ENOX2: variants seen among roughly 807,000 people sequenced by gnomAD.
ENOX2 encodes ecto-NOX disulfide-thiol exchanger 2, also known as APK1 antigen.
A neutral mutation model predicts 45.0 loss-of-function variants in ENOX2; 36 were observed. That is an observed-to-expected ratio of 0.80 (90% confidence interval 0.61 to 1.06). The LOEUF is 1.06. ENOX2 is among the 50% of genes least tolerant of loss of function. The pLI is 0.00. For synonymous variants in ENOX2, 174 were observed against 152.3 expected (o/e 1.14, Z -1.05); for missense variants, 423 against 462.5 (o/e 0.91, Z 0.78).
chrX:130,813,516 A>C (rs1354711537), intron 2 of ENOX2, among the ~76,000 whole-genome samples: 1 of 112,062 alleles, frequency 8.9e-6, no homozygotes, highest in African/African-American at 3.2e-5. Flanking sequence ...TCAATGCAGA[A>C]GGTGGGTGAT....
intron 11 of ENOX2, among the ~76,000 whole-genome samples, chrX:130,636,334 C>T (rs769660251): frequency 1.8e-5 from 2 of 112,500 alleles, no homozygotes; most frequent in Non-Finnish European, 3.8e-5. Flanking sequence ...ACATAGGGTT[C>T]CTAGTGCCAG....
rs1342545822 is a variant in ENOX2, at chrX:130,726,555, G to A, written c.-38-23301C>T. Among the ~76,000 whole-genome samples, 4 of 112,706 alleles carry A rather than the reference G, an allele frequency of 3.5e-5. No homozygotes were observed. In the East Asian group the frequency reaches 1.1e-3, roughly 31 times the overall value. On this transcript the variant is annotated intron_variant, in intron 3 of 14. Transcript: ENST00000394363. ...AACATATATACGAGTACAAATGGCTGCTTGTGAAGTACCTGAAGTTTTTCC... is the reference window on the plus strand; with the variant it reads ...AACATATATACGAGTACAAATGGCTACTTGTGAAGTACCTGAAGTTTTTCC...
In ENOX2 at chrX:130,703,728, A is replaced by G. The variant is rs769085552; in HGVS notation, c.-38-474T>C. Reference sequence around the variant, plus strand: ...AAAATTATACTCCTGATGTAATTTCATATCTTTGAAGCAGTACTATTGAAT... The same window carrying G: ...AAAATTATACTCCTGATGTAATTTCGTATCTTTGAAGCAGTACTATTGAAT... On this transcript the variant is annotated intron_variant, in intron 3 of 14. Coordinates refer to ENST00000394363, the MANE Select transcript of ENOX2 (RefSeq NM_006375.4). Among the ~76,000 whole-genome samples the G allele has an allele frequency of 3.6e-5, 4 of 112,013 alleles. No homozygotes were observed. The South Asian group carries it at 1.1e-3, about 31-fold the overall frequency.
At chrX:130,763,207 AG>A (rs2039535123) in intron 3 of ENOX2, among the ~76,000 whole-genome samples, 1 of 110,361 alleles carries the variant, frequency 9.1e-6, no homozygotes, top group African/African-American at 3.3e-5. Flanking sequence ...TGATGTTTCG[AG>A]GTTTCAGGCA....
chrX:130,771,572 C>A (rs1251758381), intron 3 of ENOX2, among the ~76,000 whole-genome samples: 1 of 112,165 alleles, frequency 8.9e-6, no homozygotes, highest in Non-Finnish European at 1.9e-5. Context: ...ATCTCCTCTT[C>A]TCCATCCCTA....
At chrX:130,816,647 C>T (rs1445355027) in intron 2 of ENOX2, among the ~76,000 whole-genome samples, 2 of 111,911 alleles carry the variant, frequency 1.8e-5, no homozygotes, top group Admixed American at 1.9e-4. Context: ...AACTGAACAA[C>T]CTGCTCCTGA....
Position 130,781,704 on chromosome X carries a change from T to C in ENOX2, c.-39+1843A>G, listed in dbSNP as rs772952427. Among the ~76,000 whole-genome samples the C allele has an allele frequency of 1.2e-4, 13 of 112,036 alleles. No individual in the cohort carries two copies. The South Asian group carries it at 4.9e-3, about 42-fold the overall frequency. ...CCCTAAATTCTGTGCACTCTATCCG[T>C]GGCAGGTTCCACTTAGAGCTGATTT... is the stretch of plus-strand genomic sequence containing the variant. On this transcript the variant is annotated intron_variant, in intron 3 of 14. Transcript: ENST00000394363.
Position 130,665,739 on chromosome X carries a change from T to A in ENOX2, c.918A>T (p.Ile306=), listed in dbSNP as rs1569482949. Reference sequence around the variant, plus strand: ...TGGAGGCGGAATGGTACACAGCCACTATCTGCTCAACTGCAGCATCAAATC... The same window carrying A: ...TGGAGGCGGAATGGTACACAGCCACAATCTGCTCAACTGCAGCATCAAATC... The part of the protein sequence containing the change: ...LSGILIQFEQ[I]VAVYHSASKQ... Residue 306 remains isoleucine (I), a synonymous_variant, in exon 9 of 15, where the codon ATA becomes ATT. Coordinates refer to ENST00000394363, the MANE Select transcript of ENOX2 (RefSeq NM_006375.4). The A allele has an allele frequency of 2.5e-6, 3 of 1,185,783 alleles. No homozygotes were observed. Among genetic ancestry groups the A allele is most frequent in the Non-Finnish European group, 3.4e-6 (3 of 875,095 alleles).
At chrX:130,726,140 A>G (rs1411021666) in intron 3 of ENOX2, among the ~76,000 whole-genome samples, 1 of 112,429 alleles carries the variant, frequency 8.9e-6, no homozygotes, top group Non-Finnish European at 1.9e-5. Flanking sequence ...ACAGTTTCAG[A>G]TGGCATGTTA....
chrX:130,630,843 TAAACTC>T (rs892110253), intron 13 of ENOX2, among the ~76,000 whole-genome samples: 3 of 111,124 alleles, frequency 2.7e-5, no homozygotes, highest in African/African-American at 9.8e-5. Context: ...AGTCTAATGT[TAAACTC>T]TAACTTTGGG....
chrX:130,849,923 A>G (rs1166135472), intron 2 of ENOX2, among the ~76,000 whole-genome samples: 2 of 111,602 alleles, frequency 1.8e-5, no homozygotes, highest in Non-Finnish European at 3.8e-5. Context: ...CAGGCTCATA[A>G]GCCTTCTCCT....
At chrX:130,632,099 C>G (rs751050289) in intron 12 of ENOX2, among the ~76,000 whole-genome samples, 5 of 111,346 alleles carry the variant, frequency 4.5e-5, no homozygotes, top group Non-Finnish European at 9.4e-5. Flanking sequence ...GTTGGCTACA[C>G]TGCCAATCCA....
At chrX:130,709,844 C>T (rs1453757711) in intron 3 of ENOX2, among the ~76,000 whole-genome samples, 2 of 107,735 alleles carry the variant, frequency 1.9e-5, no homozygotes, top group Non-Finnish European at 3.8e-5. Flanking sequence ...TATACACGTG[C>T]CATGGTAGTT....
chrX:130,720,521 A>C (rs969644205), intron 3 of ENOX2, among the ~76,000 whole-genome samples: 4 of 112,412 alleles, frequency 3.6e-5, no homozygotes, highest in Non-Finnish European at 7.5e-5. Flanking sequence ...CATTTAGAAA[A>C]TCTGATTGTA....
At chrX:130,896,062 G>A (rs953972751) in intron 2 of ENOX2, among the ~76,000 whole-genome samples, 3 of 112,157 alleles carry the variant, frequency 2.7e-5, no homozygotes, top group Non-Finnish European at 5.6e-5. Context: ...AAAAATGTCA[G>A]ACTGGTAAAC....
At chrX:130,818,220 C>A in intron 2 of ENOX2, among the ~76,000 whole-genome samples, 3 of 111,311 alleles carry the variant, frequency 2.7e-5, no homozygotes, top group Non-Finnish European at 5.7e-5. Flanking sequence ...TCAAGGAGAA[C>A]TACAAACCAC....
At chrX:130,808,410 C>A (rs993274788) in intron 2 of ENOX2, among the ~76,000 whole-genome samples, 3 of 111,184 alleles carry the variant, frequency 2.7e-5, no homozygotes, top group Non-Finnish European at 5.7e-5. Context: ...TTTACATAGC[C>A]CCTTCTAATC....
At chrX:130,815,723 G>A (rs761713174) in intron 2 of ENOX2, among the ~76,000 whole-genome samples, 1 of 111,933 alleles carries the variant, frequency 8.9e-6, no homozygotes, top group Admixed American at 9.4e-5. Context: ...CACCAGGCCT[G>A]CCTTACAAGA....
intron 2 of ENOX2, among the ~76,000 whole-genome samples, chrX:130,888,804 A>T (rs2078945942): frequency 8.9e-6 from 1 of 112,177 alleles, no homozygotes; most frequent in Non-Finnish European, 1.9e-5. Flanking sequence ...AGAAAATTTT[A>T]AAATAATACA....
Sources: gnomAD v4.1 joint callset for allele counts (sites outside exome capture counted in the v4.1 genomes callset) on GRCh38, gnomAD v4.1.1 for gene constraint, MANE v1.5 for transcripts, NCBI Gene and HGNC (gene_info 2026-07-23, HGNC 2026-07-21) for gene names.